BMPR1B: variants seen among roughly 807,000 people sequenced by gnomAD.
BMPR1B encodes the protein bone morphogenetic protein receptor type 1B.
Under a neutral mutation model 59.1 loss-of-function variants are expected in BMPR1B, and 12 were observed. That is an observed-to-expected ratio of 0.20 (90% CI 0.13 to 0.33). The LOEUF is 0.33. BMPR1B is among the 10% of genes least tolerant of loss of function. The probability of loss-of-function intolerance (pLI) is 1.00; values close to 1 mark genes in which losing one functional copy is unlikely to be tolerated. For synonymous variants in BMPR1B, 237 were observed against 207.3 expected (o/e 1.14, Z -1.23); for missense variants, 550 against 610.9 (o/e 0.90, Z 1.05).
intron 1 of BMPR1B, among the ~76,000 whole-genome samples, chr4:94,789,617 A>G (rs1354389672): frequency 3.9e-5 from 6 of 152,228 alleles, no homozygotes; most frequent in Non-Finnish European, 8.8e-5. Context: ...ATAAATAAGT[A>G]ATAAGTCATT....
At chr4:94,986,959 T>C in intron 2 of BMPR1B, among the ~76,000 whole-genome samples, 1 of 150,646 alleles carries the variant, frequency 6.6e-6, no homozygotes, top group Non-Finnish European at 1.5e-5. Flanking sequence ...GAGAATGGCG[T>C]GAACCCAGGA....
At chr4:94,957,543 C>G (rs924415688) in intron 2 of BMPR1B, among the ~76,000 whole-genome samples, 1 of 151,246 alleles carries the variant, frequency 6.6e-6, no homozygotes, top group Admixed American at 6.6e-5. Flanking sequence ...CCTCTTCTTT[C>G]CTCATTGTTT....
intron 3 of BMPR1B, among the ~76,000 whole-genome samples, chr4:95,034,829 C>CT (rs1459148781): frequency 2.0e-5 from 3 of 151,902 alleles, no homozygotes; most frequent in African/African-American, 4.8e-5. Flanking sequence ...GGTAGTTCTA[C>CT]TTTTAGTTCT....
intron 3 of BMPR1B, among the ~76,000 whole-genome samples, chr4:95,046,839 G>C (rs1726095506): frequency 6.6e-6 from 1 of 152,176 alleles, no homozygotes; most frequent in African/African-American, 2.4e-5. Flanking sequence ...GAACGCCTCA[G>C]ACATAAACCA....
rs1355944971 is a variant in BMPR1B at position 95,156,985 on chromosome 4, T to C, written c.*2312T>C. ...TTTAAGTGAGGTTGGGCTTACCTTG[T>C]AGATAAAATTATGTTTTCTTTTTGG... On this transcript the variant is annotated 3_prime_UTR_variant, in exon 13 of 13. Transcript: ENST00000515059. The C allele has an allele frequency of 6.6e-6, 1 of 152,178 alleles. No individual in the cohort carries two copies. Among genetic ancestry groups the C allele is most frequent in the East Asian group, 1.9e-4 (1 of 5,200 alleles). 9.4% of individuals were successfully genotyped at this position (152,178 alleles called of 1,614,324 possible).
intron 1 of BMPR1B, among the ~76,000 whole-genome samples, chr4:94,871,905 G>A (rs1232417300): frequency 6.6e-6 from 1 of 152,118 alleles, no homozygotes; most frequent in East Asian, 1.9e-4. Flanking sequence ...ATTTTAAATT[G>A]CAAAAGGAAA....
intron 10 of BMPR1B, among the ~76,000 whole-genome samples, chr4:95,138,779 C>T (rs7667832): frequency 0.025 from 3,848 of 152,200 alleles, 149 homozygotes; most frequent in African/African-American, 0.087. Context: ...AGATCTTCTC[C>T]ATGCTGTTTA....
At chr4:94,832,514 G>A (rs900070063) in intron 1 of BMPR1B, among the ~76,000 whole-genome samples, 3 of 152,136 alleles carry the variant, frequency 2.0e-5, no homozygotes, top group South Asian at 2.1e-4. Context: ...GAGCATGGTC[G>A]CTCATGCCTG....
chr4:94,770,888 C>CAAA (rs11292596), intron 1 of BMPR1B, among the ~76,000 whole-genome samples: 6 of 88,262 alleles, frequency 6.8e-5, no homozygotes, highest in South Asian at 4.2e-4. Context: ...ATTAGCCCTG[C>CAAA]AAAAAAAAAA....
At chr4:94,835,853 C>G (rs1319426926) in intron 1 of BMPR1B, among the ~76,000 whole-genome samples, 1 of 151,396 alleles carries the variant, frequency 6.6e-6, no homozygotes, top group African/African-American at 2.4e-5. Flanking sequence ...TGGTGCGCTG[C>G]ACCCACTAAC....
chr4:94,847,144 C>T (rs1725366893), intron 1 of BMPR1B, among the ~76,000 whole-genome samples: 1 of 152,128 alleles, frequency 6.6e-6, no homozygotes, highest in Non-Finnish European at 1.5e-5. Flanking sequence ...AGAAACATTT[C>T]TCAAAAGACA....
chr4:94,806,923 T>C (rs1485079670), intron 1 of BMPR1B, among the ~76,000 whole-genome samples: 1 of 152,112 alleles, frequency 6.6e-6, no homozygotes, highest in African/African-American at 2.4e-5. Context: ...TTGATTTCTT[T>C]TTCTTATTAA....
At chr4:94,908,197 A>C (rs17022515) in intron 2 of BMPR1B, among the ~76,000 whole-genome samples, 1 of 151,518 alleles carries the variant, frequency 6.6e-6, no homozygotes, top group African/African-American at 2.4e-5. Flanking sequence ...GATATTTTTC[A>C]TAAGAATTGC....
In BMPR1B at chr4:95,155,167, T is replaced by G. The variant is rs1002665660; in HGVS notation, c.*494T>G. ...AAAAGACAGTCTAAGTTGGAGGACA[T>G]AGAACGGAACTCATCTTAAACATAC... On this transcript the variant is annotated 3_prime_UTR_variant, in exon 13 of 13. Coordinates refer to ENST00000515059, the MANE Select transcript of BMPR1B (RefSeq NM_001203.3). The G allele has an allele frequency of 1.2e-5, 2 of 171,386 alleles. No individual in the cohort carries two copies. Among genetic ancestry groups the G allele is most frequent in the African/African-American group, 4.8e-5 (2 of 41,578 alleles). The allele number at this position is 171,386 out of a possible 1,614,324, so 10.6% of individuals were successfully genotyped here.
chr4:95,154,814 C>T lies in BMPR1B; in HGVS notation c.*141C>T, dbSNP rs1434536. ...TTCCCAGTGGGTTCAGACCTCACCT[C>T]TCAGGGAGCGACCTGGGCAAAGACA... is the stretch of plus-strand genomic sequence containing the variant. On this transcript the variant is annotated 3_prime_UTR_variant, in exon 13 of 13. Transcript: ENST00000515059. 643,195 of 1,217,530 alleles carry T rather than the reference C, an allele frequency of 0.53. 174,924 individuals are homozygous for T. The highest frequency in any genetic ancestry group is 0.63 in the Admixed American group (31,957 of 50,518). The allele number at this position is 1,217,530 out of a possible 1,614,324, so 75.4% of individuals were successfully genotyped here.
intron 3 of BMPR1B, among the ~76,000 whole-genome samples, chr4:95,084,282 A>C (rs1729398880): frequency 6.6e-6 from 1 of 151,470 alleles, no homozygotes; most frequent in African/African-American, 2.4e-5. Flanking sequence ...GTGTATGTAC[A>C]TGATCTATAC....
At chr4:95,095,377 G>A (rs1385160394) in intron 3 of BMPR1B, among the ~76,000 whole-genome samples, 1 of 152,096 alleles carries the variant, frequency 6.6e-6, no homozygotes, top group African/African-American at 2.4e-5. Flanking sequence ...GCATTGATTT[G>A]CATTATTTGT....
At chr4:94,793,384 A>G (rs1007429852) in intron 1 of BMPR1B, among the ~76,000 whole-genome samples, 4 of 151,538 alleles carry the variant, frequency 2.6e-5, no homozygotes, top group African/African-American at 7.3e-5. Flanking sequence ...TCCATGGTGT[A>G]TATGTGCCAC....
chr4:95,109,208 T>C (rs558265561), intron 4 of BMPR1B, among the ~76,000 whole-genome samples: 2 of 152,278 alleles, frequency 1.3e-5, no homozygotes, highest in South Asian at 2.1e-4. Context: ...ACTTATCTTA[T>C]TGGTTTCTTA....
Sources: allele counts gnomAD v4.1 joint callset (sites outside exome capture counted in the v4.1 genomes callset), GRCh38; gene constraint gnomAD v4.1.1; transcripts MANE v1.5; gene names NCBI Gene and HGNC (gene_info 2026-07-23, HGNC 2026-07-21).